The following LMO7 variants were observed in gnomAD, a reference collection of about 807,000 sequenced individuals.
The protein encoded by LMO7 is LIM domain 7.
Under a neutral mutation model 206.5 loss-of-function variants are expected in LMO7, and 120 were observed. The observed-to-expected ratio is 0.58, with a 90% CI of 0.50 to 0.68. LMO7 has a LOEUF of 0.68. LMO7 is among the 30% of genes least tolerant of loss of function. The probability of loss-of-function intolerance (pLI) is 0.00; values close to 1 mark genes in which losing one functional copy is unlikely to be tolerated. For missense variants in LMO7, 1,959 were observed against 1,957.9 expected, an observed-to-expected ratio of 1.00 and a Z score of -0.01; for synonymous variants, 706 against 681.5, an observed-to-expected ratio of 1.04 and a Z score of -0.56.
chr13:75,808,290 A>G (rs2055818521), intron 10 of LMO7, 91 bp downstream of exon 10: 3 of 1,371,152 alleles, frequency 2.2e-6, no homozygotes, highest in East Asian at 2.5e-5. Context: ...GTGTTGCTCA[A>G]CTCTGCATGT....
At chr13:75,849,397 G>A in intron 27 of LMO7, 105 bp downstream of exon 27, 2 of 833,278 alleles carry the variant, frequency 2.4e-6, no homozygotes, top group South Asian at 1.6e-5. Context: ...GGAACATAGA[G>A]CGAACGCTCT....
At chr13:75,659,000 A>G (rs1474724544) in intron 1 of LMO7, among the ~76,000 whole-genome samples, 1 of 151,962 alleles carries the variant, frequency 6.6e-6, no homozygotes, top group African/African-American at 2.4e-5. Flanking sequence ...TTCTCTCTAG[A>G]TGATCAAATC....
rs1357124914 is a variant in LMO7, at chr13:75,800,899, C to G, written c.661+17C>G. On this transcript the variant is annotated intron_variant, in intron 7 of 30. Transcript: ENST00000377534. ...GGCGTGAAGGTGTGTTGTGTTTTGG[C>G]TGTCAGTTTATTTGTTCACATATTA... 1.9e-6 allele frequency: 3 copies of G among 1,611,550 alleles called. No individual in the cohort carries two copies. Among genetic ancestry groups the G allele is most frequent in the Non-Finnish European group, 2.5e-6 (3 of 1,177,932 alleles).
chr13:75,708,794 T>A lies in LMO7; in HGVS notation c.70-4388T>A, dbSNP rs185591039. 9.5e-3 allele frequency among the ~76,000 whole-genome samples: 1,448 copies of A among 152,306 alleles called. 13 individuals are homozygous for A. The highest frequency in any genetic ancestry group is 0.017 in the Non-Finnish European group (1,125 of 68,026). On this transcript the variant is annotated intron_variant, in intron 1 of 30. Transcript: ENST00000377534. The stretch of plus-strand genomic sequence containing the variant: ...GTGCTTTAAACATTACATTTTTCTT[T>A]TTTATTTATTTATTTATTATACTTT...
chr13:75,745,484 A>T (rs2046765800), intron 3 of LMO7, among the ~76,000 whole-genome samples: 1 of 152,194 alleles, frequency 6.6e-6, no homozygotes, highest in African/African-American at 2.4e-5. Flanking sequence ...ACTTAAAGAA[A>T]TCAAGAAGAT....
At chr13:75,668,942 C>T (rs529513949) in intron 1 of LMO7, among the ~76,000 whole-genome samples, 4 of 152,200 alleles carry the variant, frequency 2.6e-5, no homozygotes, top group African/African-American at 4.8e-5. Context: ...TTTGTGCTGA[C>T]GTTAGAGGTT....
upstream of LMO7, among the ~76,000 whole-genome samples, chr13:75,634,085 C>T (rs1324322377): frequency 2.6e-5 from 4 of 151,564 alleles, no homozygotes; most frequent in African/African-American, 4.8e-5. Context: ...GTGATCCACC[C>T]GCCTCTGCCT....
In LMO7 at chr13:75,858,570, T is replaced by C. The variant is rs948026702; in HGVS notation, c.*627T>C. 6.6e-6 allele frequency: 1 copy of C among 152,654 alleles called. No individual in the cohort carries two copies. Among genetic ancestry groups the C allele is most frequent in the South Asian group, 2.1e-4 (1 of 4,830 alleles). The allele number at this position is 152,654 out of a possible 1,614,324, so 9.5% of individuals were successfully genotyped here. On this transcript the variant is annotated 3_prime_UTR_variant, in exon 31 of 31. Transcript: ENST00000377534. ...TAATTCCCAATAGAAAGCTGCTTAT[T>C]TTCATTAATGAAAAATAACCATGGT...
At chr13:75,778,722 A>C (rs2050872778) in intron 4 of LMO7, among the ~76,000 whole-genome samples, 1 of 152,154 alleles carries the variant, frequency 6.6e-6, no homozygotes, top group Non-Finnish European at 1.5e-5. Flanking sequence ...CTTATGTTTC[A>C]ACTGAACTTT....
intron 4 of LMO7, among the ~76,000 whole-genome samples, chr13:75,767,245 A>G (rs79939381): frequency 0.013 from 1,985 of 152,244 alleles, 43 homozygotes; most frequent in African/African-American, 0.043. Flanking sequence ...AAAGTGTTAG[A>G]AACATTTCAG....
intron 1 of LMO7, among the ~76,000 whole-genome samples, chr13:75,687,277 C>A (rs924475127): frequency 1.3e-5 from 2 of 152,132 alleles, no homozygotes; most frequent in African/African-American, 4.8e-5. Flanking sequence ...CATGTCAGAT[C>A]AGAGTCTTGG....
chr13:75,652,427 G>T (rs528858596), intron 1 of LMO7, among the ~76,000 whole-genome samples: 1 of 152,112 alleles, frequency 6.6e-6, no homozygotes, highest in Admixed American at 6.5e-5. Flanking sequence ...TTCATTCTCT[G>T]CAGTCAGGTA....
At chr13:75,755,691 A>C (rs2047636625) in intron 3 of LMO7, among the ~76,000 whole-genome samples, 1 of 152,184 alleles carries the variant, frequency 6.6e-6, no homozygotes, top group Non-Finnish European at 1.5e-5. Context: ...TTTCTATTCT[A>C]AATTTTTGAC....
intron 4 of LMO7, among the ~76,000 whole-genome samples, chr13:75,783,127 C>G (rs997676698): frequency 3.9e-5 from 6 of 152,208 alleles, no homozygotes; most frequent in Admixed American, 6.5e-5. Context: ...TATTCACATA[C>G]AGTATATTTT....
At chr13:75,741,538 C>G (rs533685607) in intron 3 of LMO7, among the ~76,000 whole-genome samples, 1 of 152,184 alleles carries the variant, frequency 6.6e-6, no homozygotes, top group Non-Finnish European at 1.5e-5. Context: ...CTACCATGAT[C>G]AAGCAGGCTT....
chr13:75,790,596 G>T (rs1180414318), intron 4 of LMO7, among the ~76,000 whole-genome samples: 1 of 152,110 alleles, frequency 6.6e-6, no homozygotes, highest in East Asian at 1.9e-4. Flanking sequence ...TGATTGACTT[G>T]GTACTAGTAT....
intron 4 of LMO7, among the ~76,000 whole-genome samples, chr13:75,761,841 A>G (rs2048263869): frequency 6.6e-6 from 1 of 152,136 alleles, no homozygotes; most frequent in South Asian, 2.1e-4. Context: ...CCTAATTAAC[A>G]TTTTTGCAAG....
chr13:75,724,545 T>C (rs778918017), intron 2 of LMO7, among the ~76,000 whole-genome samples: 7 of 152,180 alleles, frequency 4.6e-5, no homozygotes, highest in Non-Finnish European at 8.8e-5. Flanking sequence ...TTGCTTATTA[T>C]GCAAAGAAGT....
intron 7 of LMO7, among the ~76,000 whole-genome samples, chr13:75,801,235 T>C (rs2054684548): frequency 7.2e-6 from 1 of 139,454 alleles, no homozygotes; most frequent in African/African-American, 2.6e-5. Context: ...TATAAGATTC[T>C]GCAAAAAAAA....
Sources: allele counts gnomAD v4.1 joint callset (sites outside exome capture counted in the v4.1 genomes callset), GRCh38; gene constraint gnomAD v4.1.1; transcripts MANE v1.5; gene names NCBI Gene and HGNC (gene_info 2026-07-23, HGNC 2026-07-21).